Variants in ZNF385B observed in about 807,000 individuals in gnomAD.
ZNF385B encodes zinc finger protein 533.
In ZNF385B, 23 loss-of-function variants were observed where a neutral mutation model predicts 39.2. The ratio of observed to expected loss-of-function variants is 0.59; its 90% CI spans 0.42 to 0.83. ZNF385B has a LOEUF of 0.83. Among genes scored for constraint, ZNF385B ranks in the 40% least tolerant of loss-of-function variants. The probability of loss-of-function intolerance (pLI) is 0.00; values close to 1 mark genes in which losing one functional copy is unlikely to be tolerated. For missense variants in ZNF385B, 552 were observed against 598.9 expected, an observed-to-expected ratio of 0.92 and a Z score of 0.82; for synonymous variants, 205 against 222.6, an observed-to-expected ratio of 0.92 and a Z score of 0.70.
At chr2:179,645,714 T>G (rs1692661799) in intron 3 of ZNF385B, among the ~76,000 whole-genome samples, 2 of 152,174 alleles carry the variant, frequency 1.3e-5, no homozygotes, top group African/African-American at 2.4e-5. Context: ...TGTGGGGCTT[T>G]CTTTCTCATG....
chr2:179,621,617 T>C (rs1038855034), intron 3 of ZNF385B, among the ~76,000 whole-genome samples: 19 of 152,202 alleles, frequency 1.2e-4, no homozygotes, highest in African/African-American at 4.6e-4. Flanking sequence ...ATCACACCCC[T>C]GTAAGTTCCC....
chr2:179,796,214 G>A (rs1295230306), intron 1 of ZNF385B: 1 of 152,158 alleles, frequency 6.6e-6, no homozygotes, highest in African/African-American at 2.4e-5. Flanking sequence ...CTCACCTGGG[G>A]ATGACTTATG....
chr2:179,623,674 G>C (rs1690414278), intron 3 of ZNF385B, among the ~76,000 whole-genome samples: 1 of 152,146 alleles, frequency 6.6e-6, no homozygotes, highest in Admixed American at 6.5e-5. Context: ...GCTCTTACCA[G>C]ATGGGTTTCA....
At chr2:179,754,955 A>G (rs2106476276) in intron 3 of ZNF385B, among the ~76,000 whole-genome samples, 1 of 151,750 alleles carries the variant, frequency 6.6e-6, no homozygotes, top group East Asian at 1.9e-4. Flanking sequence ...GATCTTACTT[A>G]TTTCTTGCCT....
At chr2:179,726,080 T>G (rs546721731) in intron 3 of ZNF385B, among the ~76,000 whole-genome samples, 222 of 152,056 alleles carry the variant, frequency 1.5e-3, no homozygotes, top group Middle Eastern at 6.8e-3. Flanking sequence ...ACTTTTGCAT[T>G]CTTGTGGACA....
rs115921734 is a variant in ZNF385B at position 179,648,049 on chromosome 2, C to T, written c.299-103080G>A. Among the ~76,000 whole-genome samples the T allele has an allele frequency of 5.5e-3, 835 of 152,152 alleles. 5 individuals are homozygous for T. The highest frequency in any genetic ancestry group is 0.02 in the Middle Eastern group (6 of 294). On this transcript the variant is annotated intron_variant, in intron 3 of 9. Coordinates refer to ENST00000410066, the MANE Select transcript of ZNF385B (RefSeq NM_152520.6). ...AGTGCCCAGCATGGGGAGTCAGGGC[C>T]TCCAGAGGACAATGAAAGTATCCAC...
At position 179,769,712 on chromosome 2, in the gene ZNF385B, A is replaced by G; in HGVS notation, c.89T>C (p.Ile30Thr). ...NFLRGFEEKGIKNDRPEDQLS... is the reference protein window; with the variant it reads ...NFLRGFEEKGTKNDRPEDQLS... ...CTGGTCCTCAGGCCTGTCGTTCTTTATCCCCTTTTCTTCAAAGCCCCGTAG... is the reference window on the plus strand; with the variant it reads ...CTGGTCCTCAGGCCTGTCGTTCTTTGTCCCCTTTTCTTCAAAGCCCCGTAG... Residue 30 changes from isoleucine to threonine, a missense_variant, in exon 3 of 10, where the codon ATA (isoleucine) becomes ACA (threonine). Transcript: ENST00000410066. The G allele has an allele frequency of 6.2e-7, 1 of 1,614,144 alleles. No homozygotes were observed. The highest frequency in any genetic ancestry group is 8.5e-7 in the Non-Finnish European group (1 of 1,180,022).
intron 3 of ZNF385B, among the ~76,000 whole-genome samples, chr2:179,706,393 C>T (rs1324996838): frequency 1.3e-5 from 2 of 152,164 alleles, no homozygotes; most frequent in Non-Finnish European, 2.9e-5. Context: ...GACCATGGTG[C>T]CATCCCTATT....
At chr2:179,528,944 C>T (rs988316666) in intron 4 of ZNF385B, among the ~76,000 whole-genome samples, 1 of 152,186 alleles carries the variant, frequency 6.6e-6, no homozygotes, top group African/African-American at 2.4e-5. Context: ...GAAGCCACTT[C>T]AAAGAGCTTT....
intron 3 of ZNF385B, among the ~76,000 whole-genome samples, chr2:179,764,692 C>T (rs572324013): frequency 1.3e-5 from 2 of 152,160 alleles, no homozygotes; most frequent in Non-Finnish European, 2.9e-5. Flanking sequence ...CAGCATTTAA[C>T]TTTCCTACTT....
intron 4 of ZNF385B, among the ~76,000 whole-genome samples, chr2:179,542,398 A>G (rs1363667721): frequency 1.3e-5 from 2 of 152,206 alleles, no homozygotes; most frequent in East Asian, 3.8e-4. Flanking sequence ...TCTTTGTGGT[A>G]TTCTTCACCT....
At chr2:179,713,526 A>G (rs953751189) in intron 3 of ZNF385B, among the ~76,000 whole-genome samples, 1 of 152,068 alleles carries the variant, frequency 6.6e-6, no homozygotes, top group Non-Finnish European at 1.5e-5. Flanking sequence ...TCTCCCTGCT[A>G]TTTATTCTAA....
intron 3 of ZNF385B, among the ~76,000 whole-genome samples, chr2:179,628,031 C>T (rs540726120): frequency 6.6e-6 from 1 of 152,220 alleles, no homozygotes; most frequent in African/African-American, 2.4e-5. Flanking sequence ...ACTTTTCAAA[C>T]ATGTTTTTTT....
intron 3 of ZNF385B, among the ~76,000 whole-genome samples, chr2:179,643,725 A>G (rs2106226869): frequency 6.6e-6 from 1 of 152,234 alleles, no homozygotes; most frequent in Non-Finnish European, 1.5e-5. Flanking sequence ...GAGACAGTGT[A>G]AGTAAGTACA....
chr2:179,826,697 T>C (rs1021692983), intron 1 of ZNF385B, among the ~76,000 whole-genome samples: 4 of 151,108 alleles, frequency 2.6e-5, no homozygotes, highest in African/African-American at 9.7e-5. Context: ...TTGTAAATTA[T>C]TCAGAAAAAA....
intron 1 of ZNF385B, among the ~76,000 whole-genome samples, chr2:179,837,693 A>G (rs1708326384): frequency 1.3e-5 from 2 of 152,178 alleles, no homozygotes; most frequent in South Asian, 4.1e-4. Context: ...TGCCCTCCTC[A>G]CAACAAAGTG....
chr2:179,564,917 G>A (rs577223747), intron 3 of ZNF385B, among the ~76,000 whole-genome samples: 2 of 152,110 alleles, frequency 1.3e-5, no homozygotes, highest in African/African-American at 4.8e-5. Context: ...TTCTCTGCTG[G>A]TCTTTACTTC....
intron 3 of ZNF385B, among the ~76,000 whole-genome samples, chr2:179,710,538 T>G (rs545665156): frequency 6.6e-6 from 1 of 152,296 alleles, no homozygotes; most frequent in South Asian, 2.1e-4. Context: ...CGGAACATTT[T>G]AATACTTCCA....
intron 5 of ZNF385B, among the ~76,000 whole-genome samples, chr2:179,505,505 G>A (rs1021462468): frequency 7.2e-5 from 11 of 151,906 alleles, no homozygotes; most frequent in Non-Finnish European, 1.0e-4. Flanking sequence ...CACATAAAAA[G>A]ATTTCATAGC....
Sources: allele counts gnomAD v4.1 joint callset (sites outside exome capture counted in the v4.1 genomes callset), GRCh38; gene constraint gnomAD v4.1.1; transcripts MANE v1.5; gene names NCBI Gene and HGNC (gene_info 2026-07-23, HGNC 2026-07-21).